SCMH1: variants seen among roughly 807,000 people sequenced by gnomAD.
SCMH1 encodes the protein Scm polycomb group protein homolog 1.
In SCMH1, 37 loss-of-function variants were observed where a neutral mutation model predicts 70.8. That is an observed-to-expected ratio of 0.52 (90% confidence interval 0.40 to 0.69). The LOEUF is 0.69. Among genes scored for constraint, SCMH1 ranks in the 30% least tolerant of loss-of-function variants. SCMH1 has a pLI of 0.00. For missense variants in SCMH1, 607 were observed against 827.3 expected (o/e 0.73, Z 3.27); for synonymous variants, 292 against 307.4 (o/e 0.95, Z 0.52).
intron 3 of SCMH1, 89 bp from the exon 4 acceptor site, chr1:41,160,987 T>C: frequency 8.6e-6 from 11 of 1,283,812 alleles, no homozygotes; most frequent in Non-Finnish European, 1.2e-5. Flanking sequence ...AAATAGGAAA[T>C]CGAGTATTTG....
At chr1:41,152,755 T>G in intron 4 of SCMH1, 4 of 1,593,550 alleles carry the variant, frequency 2.5e-6, no homozygotes, top group Non-Finnish European at 3.4e-6. Flanking sequence ...GGAATAAAAA[T>G]GAGTCACTGA....
intron 1 of SCMH1, among the ~76,000 whole-genome samples, chr1:41,201,780 G>A (rs574685146): frequency 1.7e-3 from 255 of 152,274 alleles, no homozygotes; most frequent in Non-Finnish European, 3.2e-3. Flanking sequence ...TTGGCTAAGG[G>A]ATATCATTGA....
At chr1:41,186,032 CTAAT>C in intron 2 of SCMH1, 85 bp downstream of exon 2, 1 of 1,420,110 alleles carries the variant, frequency 7.0e-7, no homozygotes, top group Non-Finnish European at 9.6e-7. Flanking sequence ...AACGAGTAGT[CTAAT>C]TATTCGTGAG....
intron 1 of SCMH1, among the ~76,000 whole-genome samples, chr1:41,210,813 C>CTTTT (rs879610758): frequency 7.0e-6 from 1 of 143,256 alleles, no homozygotes. Context: ...GACTTCATGA[C>CTTTT]TTTTTTTTTT....
chr1:41,161,320 C>T lies in SCMH1; in HGVS notation c.82+44G>A, dbSNP rs1360354558. On this transcript the variant is annotated intron_variant, in intron 3 of 14. Transcript: ENST00000337495. ...ACGAAGGTTTTATGGGAAAAGATGC[C>T]GAGTAAAATTTTTCCACACCAAACG... 5 of 1,546,252 alleles carry T rather than the reference C, an allele frequency of 3.2e-6. No homozygotes were observed. The South Asian group carries it at 3.6e-5, about 11-fold the overall frequency.
chr1:41,125,816 A>C (rs947533953), intron 6 of SCMH1, among the ~76,000 whole-genome samples: 2 of 151,988 alleles, frequency 1.3e-5, no homozygotes, highest in Non-Finnish European at 2.9e-5. Flanking sequence ...GGCTTAAGGG[A>C]TCCTCCTGCC....
At chr1:41,218,891 T>C (rs1178994808) in intron 1 of SCMH1, among the ~76,000 whole-genome samples, 1 of 152,222 alleles carries the variant, frequency 6.6e-6, no homozygotes, top group Non-Finnish European at 1.5e-5. Context: ...CTAAAACCCC[T>C]GGAATTTTCC....
intron 8 of SCMH1, among the ~76,000 whole-genome samples, chr1:41,093,377 G>A (rs1664174720): frequency 7.9e-6 from 1 of 125,886 alleles, no homozygotes. Flanking sequence ...GTCATGGGGT[G>A]GGGGGAGGGG....
chr1:41,029,089 A>G (rs1644148469), intron 13 of SCMH1, among the ~76,000 whole-genome samples: 1 of 152,016 alleles, frequency 6.6e-6, no homozygotes, highest in Non-Finnish European at 1.5e-5. Flanking sequence ...TTCTAGAGAG[A>G]CTGGTAGCCT....
rs577250085 is a variant in SCMH1 at position 41,081,319 on chromosome 1, C to G, written c.746-5868G>C. Among the ~76,000 whole-genome samples the G allele has an allele frequency of 1.4e-4, 22 of 152,266 alleles. No individual in the cohort carries two copies. The South Asian group carries it at 4.6e-3, about 32-fold the overall frequency. Reference sequence around the variant, plus strand: ...AGGTGTCAACTCTCATCAAACTGATCTAGAGTCAATGCAATTCCAATAGAA... The same window carrying G: ...AGGTGTCAACTCTCATCAAACTGATGTAGAGTCAATGCAATTCCAATAGAA... On this transcript the variant is annotated intron_variant, in intron 8 of 14. Transcript: ENST00000337495.
chr1:41,070,542 GC>G, intron 10 of SCMH1, 52 bp downstream of exon 10: 2 of 1,601,298 alleles, frequency 1.2e-6, no homozygotes, highest in East Asian at 2.2e-5. Flanking sequence ...AAAAGAAAGT[GC>G]AAACACTAGG....
chr1:41,162,303 G>A (rs1200985700), intron 2 of SCMH1, among the ~76,000 whole-genome samples: 1 of 152,188 alleles, frequency 6.6e-6, no homozygotes, highest in Non-Finnish European at 1.5e-5. Context: ...GAGTCTGGAT[G>A]CTATGAATGG....
chr1:41,045,212 T>A (rs1423548508), intron 12 of SCMH1, among the ~76,000 whole-genome samples: 2 of 152,154 alleles, frequency 1.3e-5, no homozygotes, highest in Non-Finnish European at 2.9e-5. Context: ...TCTCAGAGAC[T>A]CTGGTACTGA....
rs1183750781 is a variant in SCMH1 at position 41,128,038 on chromosome 1, TAC to T, written c.413-11030_413-11029del. On this transcript the variant is annotated intron_variant, in intron 6 of 14. Transcript: ENST00000337495. ...CTTTATCATATAGCAAATTTTCATA[TAC>T]AGTCAGATCTATCTCTGGATTTGCT... Among the ~76,000 whole-genome samples the T allele has an allele frequency of 1.6e-4, 25 of 152,320 alleles. 1 individual carries two copies. The highest frequency in any genetic ancestry group is 3.4e-3 in the Middle Eastern group (1 of 294).
chr1:41,047,392 C>CTTTTT (rs397861246), intron 11 of SCMH1, among the ~76,000 whole-genome samples: 12 of 112,454 alleles, frequency 1.1e-4, no homozygotes, highest in African/African-American at 2.3e-4. Flanking sequence ...ACTTCCCAGT[C>CTTTTT]TTTTTTTTTT....
At chr1:41,112,057 C>T (rs902324658) in intron 8 of SCMH1, among the ~76,000 whole-genome samples, 6 of 152,152 alleles carry the variant, frequency 3.9e-5, no homozygotes, top group Non-Finnish European at 5.9e-5. Context: ...ATTATACCTT[C>T]ACTGTCACTA....
chr1:41,101,235 T>C (rs2149096525), intron 8 of SCMH1, among the ~76,000 whole-genome samples: 1 of 152,340 alleles, frequency 6.6e-6, no homozygotes, highest in Non-Finnish European at 1.5e-5. Flanking sequence ...ACATTTGTGC[T>C]ATCACAAATT....
intron 10 of SCMH1, among the ~76,000 whole-genome samples, chr1:41,055,648 C>T (rs989812978): frequency 1.3e-5 from 2 of 152,188 alleles, no homozygotes; most frequent in Admixed American, 1.3e-4. Context: ...TTTCTATAGA[C>T]CAGTGACTGC....
chr1:41,156,805 T>C (rs1420874501), intron 4 of SCMH1, among the ~76,000 whole-genome samples: 2 of 152,008 alleles, frequency 1.3e-5, no homozygotes, highest in South Asian at 2.1e-4. Flanking sequence ...AACATATATA[T>C]TGCTGAAATA....
Sources: allele counts gnomAD v4.1 joint callset (sites outside exome capture counted in the v4.1 genomes callset), GRCh38; gene constraint gnomAD v4.1.1; transcripts MANE v1.5; gene names NCBI Gene and HGNC (gene_info 2026-07-23, HGNC 2026-07-21).